SLC25A20: variants seen among roughly 807,000 people sequenced by gnomAD.
The protein encoded by SLC25A20 is mitochondrial carnitine/acylcarnitine carrier protein.
In SLC25A20, 29 loss-of-function variants were observed where a neutral mutation model predicts 39.7. The ratio of observed to expected loss-of-function variants is 0.73; its 90% CI spans 0.54 to 1.00. The LOEUF is 1.00. Among genes scored for constraint, SLC25A20 ranks in the 50% least tolerant of loss-of-function variants. The pLI is 0.00. For synonymous variants in SLC25A20, 103 were observed against 142.2 expected, an observed-to-expected ratio of 0.72 and a Z score of 1.96; for missense variants, 333 against 379.9, an observed-to-expected ratio of 0.88 and a Z score of 1.03.
At chr3:48,893,852 G>GAAAAAA (rs978467478) in intron 1 of SLC25A20, among the ~76,000 whole-genome samples, 5 of 69,106 alleles carry the variant, frequency 7.2e-5, no homozygotes, top group Non-Finnish European at 8.4e-5. Flanking sequence ...CTTTAAAAAA[G>GAAAAAA]AAAAAAAAAA....
intron 3 of SLC25A20, among the ~76,000 whole-genome samples, chr3:48,883,252 G>A (rs2083807238): frequency 6.6e-6 from 1 of 150,562 alleles, no homozygotes; most frequent in Non-Finnish European, 1.5e-5. Context: ...ACTCCTTCAT[G>A]TATAACTCCC....
At chr3:48,874,135 TAC>T (rs772225558) in intron 4 of SLC25A20, among the ~76,000 whole-genome samples, 5 of 149,412 alleles carry the variant, frequency 3.3e-5, no homozygotes, top group Non-Finnish European at 7.4e-5. Context: ...CTACTAAAAA[TAC>T]AAAAATTAGC....
chr3:48,857,757 A>G lies in SLC25A20; in HGVS notation c.859T>C (p.Phe287Leu). Reference sequence around the variant, plus strand: ...TTAAGGAACTTCATGGCAACTTCAAAGCCAAGGAAACAGGCCTAAGAAGGG... The same window carrying G: ...TTAAGGAACTTCATGGCAACTTCAAGGCCAAGGAAACAGGCCTAAGAAGGG... ...FPANAACFLG[F>L]EVAMKFLNWA... Residue 287 changes from phenylalanine (F) to leucine (L), a missense_variant, in exon 9 of 9, where the codon TTT (phenylalanine) becomes CTT (leucine). By Grantham distance (22) the Phe-to-Leu change is conservative (BLOSUM62 0). Coordinates refer to ENST00000319017, the MANE Select transcript of SLC25A20 (RefSeq NM_000387.6). The G allele has an allele frequency of 1.2e-6, 2 of 1,613,860 alleles. No homozygotes were observed. The highest frequency in any genetic ancestry group is 1.7e-6 in the Non-Finnish European group (2 of 1,179,966).
intron 1 of SLC25A20, among the ~76,000 whole-genome samples, chr3:48,894,965 G>A (rs1015906390): frequency 6.6e-6 from 1 of 152,016 alleles, no homozygotes; most frequent in Non-Finnish European, 1.5e-5. Context: ...TTACAGGCAT[G>A]TGCCACCACT....
chr3:48,871,321 G>A (rs1461542372), intron 4 of SLC25A20, among the ~76,000 whole-genome samples: 1 of 149,896 alleles, frequency 6.7e-6, no homozygotes, highest in Non-Finnish European at 1.5e-5. Flanking sequence ...GTAGAAAATT[G>A]TTCTAGGAGG....
At chr3:48,897,367 ATTTTT>A (rs869090435) in intron 1 of SLC25A20, among the ~76,000 whole-genome samples, 1 of 83,728 alleles carries the variant, frequency 1.2e-5, no homozygotes. Flanking sequence ...ATATATATAT[ATTTTT>A]TTTTTTTTTT....
At chr3:48,880,052 C>T (rs1037083868) in intron 3 of SLC25A20, among the ~76,000 whole-genome samples, 4 of 152,116 alleles carry the variant, frequency 2.6e-5, no homozygotes, top group East Asian at 1.9e-4. Flanking sequence ...TGCTGTAAGA[C>T]GCTGAGAAAG....
intron 4 of SLC25A20, among the ~76,000 whole-genome samples, chr3:48,871,783 AAAAG>A (rs1350288835): frequency 1.3e-5 from 2 of 151,326 alleles, no homozygotes; most frequent in Non-Finnish European, 2.9e-5. Context: ...AAAAAAAAAA[AAAAG>A]AGAGAGAGAG....
chr3:48,858,396 G>A (rs2083597041), intron 8 of SLC25A20, 111 bp downstream of exon 8: 2 of 1,488,996 alleles, frequency 1.3e-6, no homozygotes, highest in African/African-American at 1.4e-5. Flanking sequence ...CTGAAGATAG[G>A]GCTTTGGGAA....
At position 48,898,670 on chromosome 3, in the gene SLC25A20, T is replaced by C. The variant is rs752556818; in HGVS notation, c.105+20A>G. On this transcript the variant is annotated intron_variant, in intron 1 of 8. Coordinates refer to ENST00000319017, the MANE Select transcript of SLC25A20 (RefSeq NM_000387.6). ...CCGCCCGGGCCTCCTCCCCAAAGCC[T>C]GCGACCCAGCCTCCCGCACCTTGAC... 2 of 1,581,924 alleles carry C rather than the reference T, an allele frequency of 1.3e-6. No individual in the cohort carries two copies. Among genetic ancestry groups the C allele is most frequent in the Non-Finnish European group, 8.6e-7 (1 of 1,164,646 alleles).
At position 48,871,494 on chromosome 3, in the gene SLC25A20, G is replaced by A. The variant is rs143782507; in HGVS notation, c.417+7864C>T. Among the ~76,000 whole-genome samples, 474 of 152,136 alleles carry A rather than the reference G, an allele frequency of 3.1e-3. 5 individuals carry two copies. The highest frequency in any genetic ancestry group is 0.011 in the African/African-American group (449 of 41,540). On this transcript the variant is annotated intron_variant, in intron 4 of 8. Transcript: ENST00000319017. ...GTAGAATAGAGAAACAAGGCTGGGC[G>A]CAGTGACTCACGCCTGTAATCCCAG...
chr3:48,883,383 T>C (rs1023116148), intron 3 of SLC25A20, among the ~76,000 whole-genome samples: 3 of 151,698 alleles, frequency 2.0e-5, no homozygotes, highest in African/African-American at 7.3e-5. Context: ...ACCCCCTCTC[T>C]ACTAAACACA....
chr3:48,868,854 A>T (rs958393761), intron 4 of SLC25A20, among the ~76,000 whole-genome samples: 1 of 152,238 alleles, frequency 6.6e-6, no homozygotes. Context: ...AAGCCAAGTA[A>T]GAAATTAGGG....
chr3:48,898,733 C>G lies in SLC25A20; in HGVS notation c.62G>C (p.Gly21Ala). The change falls in exon 1 of 9, where the codon GGC (glycine) becomes GCC (alanine). Residue 21 changes from glycine (G) to alanine (A), a missense_variant. Physicochemically the swap from Gly to Ala is moderately conservative, Grantham distance 60. Coordinates refer to ENST00000319017, the MANE Select transcript of SLC25A20 (RefSeq NM_000387.6). ...GTGACCGACGAACACCAGGCACACG[C>G]CGCCAAAGCCGCCGGCCAGCAGGTT... ...LKNLLAGGFGGVCLVFVGHPL... is the reference protein window; with the variant it reads ...LKNLLAGGFGAVCLVFVGHPL... 2 of 1,608,736 alleles carry G rather than the reference C, an allele frequency of 1.2e-6. No homozygotes were observed. Among genetic ancestry groups the G allele is most frequent in the Non-Finnish European group, 1.7e-6 (2 of 1,178,124 alleles).
At chr3:48,891,520 C>T (rs981361178) in intron 2 of SLC25A20, among the ~76,000 whole-genome samples, 7 of 152,138 alleles carry the variant, frequency 4.6e-5, no homozygotes, top group East Asian at 1.9e-4. Flanking sequence ...GATGTACATG[C>T]GCTACCATGC....
chr3:48,862,733 A>C, intron 4 of SLC25A20, 74 bp from the exon 5 acceptor site: 3 of 922,758 alleles, frequency 3.3e-6, no homozygotes, highest in Non-Finnish European at 5.5e-6. Flanking sequence ...GAGACTACAA[A>C]GTAAGTATGG....
At chr3:48,857,812 TA>T (rs777101327) in intron 8 of SLC25A20, 40 bp from the exon 9 acceptor site, 1 of 1,575,810 alleles carries the variant, frequency 6.3e-7, no homozygotes, top group African/African-American at 1.3e-5. Flanking sequence ...CCAGCAGGAA[TA>T]ACTATTCATA....
chr3:48,886,111 C>T (rs2106660356), intron 2 of SLC25A20, among the ~76,000 whole-genome samples: 1 of 152,146 alleles, frequency 6.6e-6, no homozygotes, highest in South Asian at 2.1e-4. Context: ...GATTAAACCA[C>T]AAAGGGTGAT....
At chr3:48,875,670 A>C (rs1462296565) in intron 4 of SLC25A20, among the ~76,000 whole-genome samples, 1 of 152,140 alleles carries the variant, frequency 6.6e-6, no homozygotes, top group Admixed American at 6.5e-5. Context: ...TTGGCCTCAC[A>C]AACTGCTGGG....
Sources: allele counts gnomAD v4.1 joint callset (sites outside exome capture counted in the v4.1 genomes callset), GRCh38; gene constraint gnomAD v4.1.1; transcripts MANE v1.5; gene names NCBI Gene and HGNC (gene_info 2026-07-23, HGNC 2026-07-21).